ARMH3: variants seen among roughly 807,000 people sequenced by gnomAD.
The protein encoded by ARMH3 is armadillo-like helical domain-containing protein 3.
A neutral mutation model predicts 99.1 loss-of-function variants in ARMH3; 60 were observed. That is an observed-to-expected ratio of 0.61 (90% confidence interval 0.49 to 0.75). The LOEUF (loss-of-function observed/expected upper bound fraction) is 0.75, where lower values mean the gene tolerates loss of function less well. Among genes scored for constraint, ARMH3 ranks in the 30% least tolerant of loss-of-function variants. The pLI is 0.00. For missense variants in ARMH3, 679 were observed against 843.1 expected (o/e 0.81, Z 2.41); for synonymous variants, 285 against 292.8 (o/e 0.97, Z 0.27).
At chr10:101,955,473 T>C (rs1329057837) in intron 22 of ARMH3, among the ~76,000 whole-genome samples, 1 of 152,202 alleles carries the variant, frequency 6.6e-6, no homozygotes, top group African/African-American at 2.4e-5. Flanking sequence ...GGTTCTCTTA[T>C]AAAGTTCTCT....
intron 16 of ARMH3, among the ~76,000 whole-genome samples, chr10:101,994,183 C>T (rs1384753459): frequency 6.6e-6 from 1 of 152,186 alleles, no homozygotes; most frequent in Non-Finnish European, 1.5e-5. Flanking sequence ...TGGCCCTTTC[C>T]CAATACCTTT....
intron 19 of ARMH3, among the ~76,000 whole-genome samples, chr10:101,980,291 G>A (rs536618314): frequency 6.6e-5 from 10 of 152,036 alleles, no homozygotes; most frequent in South Asian, 4.2e-4. Flanking sequence ...TTTGTCTTTC[G>A]GGGGTTTTGT....
At chr10:102,028,272 A>C (rs2067044336) in intron 5 of ARMH3, among the ~76,000 whole-genome samples, 1 of 152,126 alleles carries the variant, frequency 6.6e-6, no homozygotes, top group South Asian at 2.1e-4. Flanking sequence ...GTGTGGCCTG[A>C]GTGCAGTGGG....
chr10:102,025,028 C>T, intron 6 of ARMH3, 128 bp downstream of exon 6: 4 of 756,236 alleles, frequency 5.3e-6, no homozygotes, highest in East Asian at 2.5e-5. Context: ...CATCCAGACA[C>T]GAGGGAGTGA....
chr10:102,051,658 T>A (rs991613808), intron 1 of ARMH3, among the ~76,000 whole-genome samples: 11 of 152,076 alleles, frequency 7.2e-5, no homozygotes, highest in African/African-American at 2.2e-4. Flanking sequence ...AGAATGGGTG[T>A]TCAGCCTATA....
At chr10:101,959,782 C>T (rs1359881722) in intron 20 of ARMH3, among the ~76,000 whole-genome samples, 4 of 152,234 alleles carry the variant, frequency 2.6e-5, no homozygotes, top group Non-Finnish European at 5.9e-5. Context: ...TACCACAATA[C>T]TCTGAGAGTC....
At chr10:102,036,346 T>C (rs1398864033) in intron 2 of ARMH3, among the ~76,000 whole-genome samples, 1 of 151,042 alleles carries the variant, frequency 6.6e-6, no homozygotes, top group African/African-American at 2.4e-5. Context: ...GGAGCCCCTC[T>C]GCCCGGCCAC....
chr10:102,048,424 G>A (rs1261782040), intron 1 of ARMH3, among the ~76,000 whole-genome samples: 1 of 152,042 alleles, frequency 6.6e-6, no homozygotes. Context: ...GAGGCAACAC[G>A]TTTTTGTTTT....
chr10:101,902,237 T>C (rs1450824413), intron 23 of ARMH3, among the ~76,000 whole-genome samples: 1 of 152,158 alleles, frequency 6.6e-6, no homozygotes, highest in Non-Finnish European at 1.5e-5. Context: ...CCAGAAAGCT[T>C]TTATTCAACA....
chr10:102,034,498 T>C (rs1367068530), intron 2 of ARMH3, among the ~76,000 whole-genome samples: 3 of 151,600 alleles, frequency 2.0e-5, no homozygotes, highest in Non-Finnish European at 4.4e-5. Flanking sequence ...TAGCCGGGCG[T>C]GGTGGTGGGC....
At chr10:101,983,815 T>C (rs1043547628) in intron 19 of ARMH3, among the ~76,000 whole-genome samples, 8 of 152,220 alleles carry the variant, frequency 5.3e-5, no homozygotes, top group African/African-American at 1.4e-4. Context: ...TGTAATAAAC[T>C]GGTAAATGTG....
At chr10:101,851,279 G>T (rs1327941054) in intron 24 of ARMH3, among the ~76,000 whole-genome samples, 1 of 152,194 alleles carries the variant, frequency 6.6e-6, no homozygotes, top group Non-Finnish European at 1.5e-5. Flanking sequence ...CAGCTTGTAA[G>T]ATCATGAATC....
At chr10:102,015,071 GCTTT>G (rs1333718407) in intron 8 of ARMH3, among the ~76,000 whole-genome samples, 1 of 152,104 alleles carries the variant, frequency 6.6e-6, no homozygotes, top group African/African-American at 2.4e-5. Flanking sequence ...AGACAGCTTT[GCTTT>G]CTTAACAGCC....
intron 22 of ARMH3, among the ~76,000 whole-genome samples, chr10:101,945,441 G>A (rs1844470542): frequency 6.6e-6 from 1 of 152,168 alleles, no homozygotes; most frequent in Non-Finnish European, 1.5e-5. Flanking sequence ...AATTAGGCTG[G>A]ACACGGTGGC....
intron 24 of ARMH3, among the ~76,000 whole-genome samples, chr10:101,879,362 T>TC (rs1420411221): frequency 3.7e-4 from 57 of 152,064 alleles, no homozygotes; most frequent in African/African-American, 1.4e-3. Flanking sequence ...AGAATTTTTT[T>TC]TTTTTTTTTT....
intron 1 of ARMH3, among the ~76,000 whole-genome samples, chr10:102,054,707 T>A (rs1266738839): frequency 6.6e-6 from 1 of 152,078 alleles, no homozygotes; most frequent in Non-Finnish European, 1.5e-5. Flanking sequence ...AGCTCAAAAC[T>A]TTTTCTGGCC....
chr10:102,001,932 C>G (rs201870535), intron 15 of ARMH3, 39 bp downstream of exon 15: 4 of 1,575,496 alleles, frequency 2.5e-6, no homozygotes, highest in African/African-American at 1.4e-5. Context: ...GCCTGCCACA[C>G]CTTTGACTTC....
chr10:102,004,537 T>C lies in ARMH3; in HGVS notation c.1048+2003A>G, dbSNP rs142679228. Among the ~76,000 whole-genome samples the C allele has an allele frequency of 2.1e-3, 324 of 152,274 alleles. 1 individual carries two copies. The highest frequency in any genetic ancestry group is 7.5e-3 in the African/African-American group (310 of 41,572). ...AGGTAAGTAAGCACAAATCCTACCA[T>C]TGCATAATCAAGTGTGTGGGTGGAA... On this transcript the variant is annotated intron_variant, in intron 14 of 25. Coordinates refer to ENST00000370033, the MANE Select transcript of ARMH3 (RefSeq NM_024541.3).
At chr10:101,938,018 C>A (rs1244166343) in intron 23 of ARMH3, among the ~76,000 whole-genome samples, 1 of 151,950 alleles carries the variant, frequency 6.6e-6, no homozygotes, top group South Asian at 2.1e-4. Flanking sequence ...CATGTGCCAC[C>A]ATGCCCAGCT....
Sources: gnomAD v4.1 joint callset for allele counts (sites outside exome capture counted in the v4.1 genomes callset) on GRCh38, gnomAD v4.1.1 for gene constraint, MANE v1.5 for transcripts, NCBI Gene and HGNC (gene_info 2026-07-23, HGNC 2026-07-21) for gene names.